ADPRHL1: variants seen among roughly 807,000 people sequenced by gnomAD.
ADPRHL1 encodes ADP-ribosylhydrolase like 1, also known as inactive ADP-ribosyltransferase ARH2.
ADPRHL1 carries 43 observed loss-of-function variants against 44.1 expected under a neutral mutation model. The ratio of observed to expected loss-of-function variants is 0.98; its 90% CI spans 0.76 to 1.26. The LOEUF is 1.26. Ranked by LOEUF, ADPRHL1 falls within the 50% of genes most tolerant of loss-of-function variation. The pLI is 0.00. For synonymous variants in ADPRHL1, 878 were observed against 1,017.4 expected (o/e 0.86, Z 2.61); for missense variants, 2,022 against 2,496.9 (o/e 0.81, Z 4.05).
Position 113,405,955 on chromosome 13 carries a change from T to C in ADPRHL1, c.3327A>G (p.Lys1109=). 8.1e-7 allele frequency: 1 copy of C among 1,232,062 alleles called. No individual in the cohort carries two copies. The highest frequency in any genetic ancestry group is 1.0e-6 in the Non-Finnish European group (1 of 988,034). 76.3% of individuals were successfully genotyped at this position (1,232,062 alleles called of 1,614,324 possible). A position where few individuals can be genotyped will look rare whatever the true frequency, so the allele number is the denominator to read the frequency against. ...CTGCAGCTGCCATCGCCCCACAGGCTTTCATACCTGGTTTGGGTGGTTCAT... is the reference window on the plus strand; with the variant it reads ...CTGCAGCTGCCATCGCCCCACAGGCCTTCATACCTGGTTTGGGTGGTTCAT... The part of the protein sequence containing the change: ...SLNEPPKPGM[K]ACGAMAAAGS... The change falls in exon 8 of 8, where the codon AAA becomes AAG. Residue 1109 remains lysine, a synonymous_variant. Coordinates refer to ENST00000612156, the MANE Select transcript of ADPRHL1 (RefSeq NM_001394807.1).
Position 113,421,061 on chromosome 13 carries a change from C to A in ADPRHL1, c.1061+1765G>T, listed in dbSNP as rs1199447018. On this transcript the variant is annotated intron_variant, in intron 7 of 7. Coordinates refer to ENST00000612156, the MANE Select transcript of ADPRHL1 (RefSeq NM_001394807.1). ...CCAACATGCCTACCCTGGGACATCCCTACCCCCAGGACATGCCTATCCCCA... is the reference window on the plus strand; with the variant it reads ...CCAACATGCCTACCCTGGGACATCCATACCCCCAGGACATGCCTATCCCCA... Among the ~76,000 whole-genome samples, 20 of 139,712 alleles carry A rather than the reference C, an allele frequency of 1.4e-4. 1 individual carries two copies. Among genetic ancestry groups the A allele is most frequent in the Non-Finnish European group, 2.8e-4 (18 of 63,970 alleles). 91.7% of individuals were successfully genotyped at this position (139,712 alleles called of 152,430 possible). A position where few individuals can be genotyped will look rare whatever the true frequency, so the allele number is the denominator to read the frequency against.
intron 4 of ADPRHL1, among the ~76,000 whole-genome samples, chr13:113,428,036 G>T (rs1465276118): frequency 6.6e-6 from 1 of 152,176 alleles, no homozygotes; most frequent in Non-Finnish European, 1.5e-5. Flanking sequence ...AGGCCAAGGC[G>T]GGTCAGTTGA....
rs1389682030 is a variant in ADPRHL1, at chr13:113,425,951, G to T, written c.647-772C>A. On this transcript the variant is annotated intron_variant, in intron 4 of 7. Transcript: ENST00000612156. The stretch of plus-strand genomic sequence containing the variant: ...CCACCTCGGCTTCCCAAAGTGCTGG[G>T]ATTACAGGTGTGAGCCACCATGCCC... 2.0e-5 allele frequency among the ~76,000 whole-genome samples: 3 copies of T among 152,298 alleles called. No homozygotes were observed. In the South Asian group the frequency reaches 6.2e-4, roughly 32 times the overall value.
At chr13:113,426,468 C>T (rs1051898751) in intron 4 of ADPRHL1, among the ~76,000 whole-genome samples, 3 of 152,212 alleles carry the variant, frequency 2.0e-5, no homozygotes, top group Non-Finnish European at 4.4e-5. Flanking sequence ...GAGCTCAGGG[C>T]GCTGGAGAGC....
chr13:113,427,731 C>T lies in ADPRHL1; in HGVS notation c.646+1221G>A, dbSNP rs181880248. Among the ~76,000 whole-genome samples, 39 of 152,324 alleles carry T rather than the reference C, an allele frequency of 2.6e-4. No individual in the cohort carries two copies. The East Asian group carries it at 6.0e-3, about 23-fold the overall frequency. On this transcript the variant is annotated intron_variant, in intron 4 of 7. Transcript: ENST00000612156. Reference sequence around the variant, plus strand: ...GCTCAGCAGTCACGCTTCCTGAGGACGGCCCGGTCACGGGGAGCACAGAGC... The same window carrying T: ...GCTCAGCAGTCACGCTTCCTGAGGATGGCCCGGTCACGGGGAGCACAGAGC...
chr13:113,447,106 G>A (rs1046792410), intron 1 of ADPRHL1, among the ~76,000 whole-genome samples: 10 of 147,264 alleles, frequency 6.8e-5, no homozygotes, highest in East Asian at 4.2e-4. Context: ...CTACAGTCAC[G>A]GTGTTGTGTG....
chr13:113,403,368 A>T lies in ADPRHL1; in HGVS notation c.*10T>A. On this transcript the variant is annotated 3_prime_UTR_variant, in exon 8 of 8. Transcript: ENST00000612156. ...CAGTGCTGGGCGAGCCACGGTGTGT[A>T]CTCGGGGCCTCACTTTGGGAGCTCA... is the stretch of plus-strand genomic sequence containing the variant. 8.1e-7 allele frequency: 1 copy of T among 1,231,900 alleles called. No homozygotes were observed. Among genetic ancestry groups the T allele is most frequent in the Admixed American group, 4.2e-5 (1 of 23,720 alleles). 76.3% of individuals were successfully genotyped at this position (1,231,900 alleles called of 1,614,324 possible).
chr13:113,439,463 T>TC (rs1234688980), intron 2 of ADPRHL1, among the ~76,000 whole-genome samples: 1 of 121,514 alleles, frequency 8.2e-6, no homozygotes, highest in African/African-American at 3.0e-5. Context: ...TTTTTTTTTT[T>TC]CCTGAGACGG....
At chr13:113,424,619 TA>T (rs1246876574) in intron 5 of ADPRHL1, among the ~76,000 whole-genome samples, 1 of 88,826 alleles carries the variant, frequency 1.1e-5, no homozygotes, top group Non-Finnish European at 2.5e-5. Flanking sequence ...CACACGTGGC[TA>T]ATTTTTTGTA....
intron 4 of ADPRHL1, among the ~76,000 whole-genome samples, chr13:113,427,518 C>A (rs2043975710): frequency 6.6e-6 from 1 of 152,180 alleles, no homozygotes; most frequent in South Asian, 2.1e-4. Flanking sequence ...CGTGAGCCAC[C>A]ACGCCCGGCC....
chr13:113,407,635 G>A lies in ADPRHL1; in HGVS notation c.1647C>T (p.Ser549=). The A allele has an allele frequency of 1.6e-6, 2 of 1,232,118 alleles. No homozygotes were observed. The highest frequency in any genetic ancestry group is 2.0e-6 in the Non-Finnish European group (2 of 988,030). The allele number at this position is 1,232,118 out of a possible 1,614,324, so 76.3% of individuals were successfully genotyped here. Residue 549 remains serine (S), a synonymous_variant, in exon 8 of 8, where the codon TCC becomes TCT. Coordinates refer to ENST00000612156, the MANE Select transcript of ADPRHL1 (RefSeq NM_001394807.1). ...PKIMGKSSVL[S]KLREKFEQNS... ...TCTGCTCGAACTTCTCCCGCAGCTT[G>A]GACAGCACCGAGCTCTTGCCCATGA...
rs996609130 is a variant in ADPRHL1, at chr13:113,409,317, A to G, written c.1062-1097T>C. On this transcript the variant is annotated intron_variant, in intron 7 of 7. Transcript: ENST00000612156. The surrounding 1 kb of genome is among the most constrained non-coding windows in gnomAD (Gnocchi z 4.2). ...CCGTCTCTGACCTCCCCAGATGATA[A>G]TTTTGGGTAGACGCACCCAGAATCT... 106 of 985,228 alleles carry G rather than the reference A, an allele frequency of 1.1e-4. No individual in the cohort carries two copies. Among genetic ancestry groups the G allele is most frequent in the Non-Finnish European group, 1.2e-4 (103 of 829,916 alleles). The allele number at this position is 985,228 out of a possible 1,614,324, so 61.0% of individuals were successfully genotyped here. A position where few individuals can be genotyped will look rare whatever the true frequency, so the allele number is the denominator to read the frequency against.
intron 7 of ADPRHL1, among the ~76,000 whole-genome samples, chr13:113,412,620 G>C (rs911162367): frequency 6.6e-6 from 1 of 152,258 alleles, no homozygotes; most frequent in Admixed American, 6.5e-5. Context: ...CCAGAGCAGC[G>C]TTGGGCACAG....
chr13:113,409,305 C>T lies in ADPRHL1; in HGVS notation c.1062-1085G>A, dbSNP rs2043833484. On this transcript the variant is annotated intron_variant, in intron 7 of 7. Transcript: ENST00000612156. This position sits in a 1 kb window ranked among gnomAD's most constrained non-coding sequence, Gnocchi z 4.2. Reference sequence around the variant, plus strand: ...CAGGGGGTGGAGCCGTCTCTGACCTCCCCAGATGATAATTTTGGGTAGACG... The same window carrying T: ...CAGGGGGTGGAGCCGTCTCTGACCTTCCCAGATGATAATTTTGGGTAGACG... The T allele has an allele frequency of 1.6e-5, 16 of 985,254 alleles. No homozygotes were observed. The highest frequency in any genetic ancestry group is 1.8e-5 in the Non-Finnish European group (15 of 829,936). 61.0% of individuals were successfully genotyped at this position (985,254 alleles called of 1,614,324 possible).
At chr13:113,420,483 A>G (rs2043910064) in intron 7 of ADPRHL1, among the ~76,000 whole-genome samples, 1 of 152,090 alleles carries the variant, frequency 6.6e-6, no homozygotes, top group African/African-American at 2.4e-5. Context: ...AAGCGGGCAA[A>G]ACAGGTACTA....
chr13:113,410,910 C>T (rs184983774), intron 7 of ADPRHL1, among the ~76,000 whole-genome samples: 64 of 152,340 alleles, frequency 4.2e-4, no homozygotes, highest in African/African-American at 1.4e-3. Context: ...CTTGGCGGCC[C>T]GTGGAGGGCT....
chr13:113,414,480 C>G (rs907820317), intron 7 of ADPRHL1, among the ~76,000 whole-genome samples: 2 of 150,812 alleles, frequency 1.3e-5, no homozygotes, highest in Non-Finnish European at 3.0e-5. Flanking sequence ...TCCCTCCCCT[C>G]TACAGCTCAG....
intron 1 of ADPRHL1, among the ~76,000 whole-genome samples, chr13:113,448,560 T>C (rs2044158135): frequency 6.6e-6 from 1 of 151,320 alleles, no homozygotes; most frequent in African/African-American, 2.4e-5. Context: ...AGTGATCTTG[T>C]AGCAAAATGT....
intron 2 of ADPRHL1, among the ~76,000 whole-genome samples, chr13:113,437,386 A>G (rs992676522): frequency 2.6e-5 from 4 of 151,958 alleles, no homozygotes; most frequent in African/African-American, 9.7e-5. Flanking sequence ...GCGCAGGGTG[A>G]ACACAGGTGT....
Sources: allele counts gnomAD v4.1 joint callset (sites outside exome capture counted in the v4.1 genomes callset), GRCh38; gene constraint gnomAD v4.1.1; non-coding constraint Gnocchi (gnomAD v3.1); transcripts MANE v1.5; gene names NCBI Gene and HGNC (gene_info 2026-07-23, HGNC 2026-07-21).